Variants in LIMA1 observed in about 807,000 individuals in gnomAD.
LIMA1 encodes the protein LIM domain and actin binding 1, also known as LIM domain and actin-binding protein 1.
LIMA1 carries 52 observed loss-of-function variants against 62.6 expected under a neutral mutation model. That is an observed-to-expected ratio of 0.83 (90% CI 0.67 to 1.05). The LOEUF is 1.05. Among genes scored for constraint, LIMA1 ranks in the 50% least tolerant of loss-of-function variants. The pLI, the probability that LIMA1 is intolerant of heterozygous loss-of-function variation, is 0.00. For missense variants in LIMA1, 780 were observed against 902.2 expected (o/e 0.86, Z 1.74); for synonymous variants, 302 against 317.8 (o/e 0.95, Z 0.53).
intron 1 of LIMA1, among the ~76,000 whole-genome samples, chr12:50,251,928 C>A (rs577392957): frequency 1.4e-4 from 22 of 152,256 alleles, no homozygotes; most frequent in African/African-American, 5.3e-4. Flanking sequence ...AACAGATAAA[C>A]GTGAGAATCA....
chr12:50,237,246 T>C (rs982211568), intron 2 of LIMA1, among the ~76,000 whole-genome samples: 2 of 152,226 alleles, frequency 1.3e-5, no homozygotes, highest in Non-Finnish European at 2.9e-5. Context: ...ATAATGTATA[T>C]GTATAATGAA....
chr12:50,179,392 G>A lies in LIMA1; in HGVS notation c.1275-1323C>T, dbSNP rs181963133. On this transcript the variant is annotated intron_variant, in intron 10 of 10. Coordinates refer to ENST00000341247, the MANE Select transcript of LIMA1 (RefSeq NM_016357.5). ...CTTGACCTCGTGATCTGCCCGCCTCGGCCTCCCAAAGGGCTGGGATTACAG... is the reference window on the plus strand; with the variant it reads ...CTTGACCTCGTGATCTGCCCGCCTCAGCCTCCCAAAGGGCTGGGATTACAG... Among the ~76,000 whole-genome samples, 56 of 150,498 alleles carry A rather than the reference G, an allele frequency of 3.7e-4. 1 individual carries two copies. The East Asian group carries it at 9.7e-3, about 26-fold the overall frequency.
At chr12:50,255,353 G>A (rs1415039000) in intron 1 of LIMA1, among the ~76,000 whole-genome samples, 1 of 151,496 alleles carries the variant, frequency 6.6e-6, no homozygotes, top group Non-Finnish European at 1.5e-5. Flanking sequence ...TCAGGAGTTT[G>A]AGACCAGCCT....
intron 2 of LIMA1, among the ~76,000 whole-genome samples, chr12:50,234,600 C>T (rs1370967759): frequency 3.3e-5 from 5 of 152,116 alleles, no homozygotes; most frequent in African/African-American, 1.2e-4. Flanking sequence ...ATGTGCCTCT[C>T]CTTGGGCCTG....
At chr12:50,191,790 C>T (rs1390421915) in intron 9 of LIMA1, among the ~76,000 whole-genome samples, 2 of 152,080 alleles carry the variant, frequency 1.3e-5, no homozygotes, top group African/African-American at 4.8e-5. Context: ...CCACTGCACT[C>T]CAGCCTGGGC....
At chr12:50,201,114 G>C in intron 6 of LIMA1, 1 of 1,290,306 alleles carries the variant, frequency 7.8e-7, no homozygotes, top group Non-Finnish European at 9.9e-7. Flanking sequence ...TGTAAAACTG[G>C]ATTGCTCATT....
chr12:50,178,519 C>T (rs951130042), intron 10 of LIMA1, among the ~76,000 whole-genome samples: 3 of 144,624 alleles, frequency 2.1e-5, no homozygotes, highest in Admixed American at 7.1e-5. Context: ...TGTGATAGAG[C>T]GAGACTGTCT....
chr12:50,182,166 C>G, intron 9 of LIMA1, 129 bp from the exon 10 acceptor site: 2 of 952,960 alleles, frequency 2.1e-6, no homozygotes, highest in Non-Finnish European at 3.1e-6. Context: ...GAGCACTAAA[C>G]CTGCTACAAT....
At position 50,177,002 on chromosome 12, in the gene LIMA1, G is replaced by T; in HGVS notation, c.*62C>A. 7.5e-7 allele frequency: 1 copy of T among 1,325,104 alleles called. No homozygotes were observed. The highest frequency in any genetic ancestry group is 1.8e-5 in the South Asian group (1 of 55,126). The allele number at this position is 1,325,104 out of a possible 1,614,324, so 82.1% of individuals were successfully genotyped here. ...TACCTGCTTATGTGCATCACATTTT[G>T]ACAAAGGGCAGTGGCTCGCTAACAC... On this transcript the variant is annotated 3_prime_UTR_variant, in exon 11 of 11. Transcript: ENST00000341247.
At chr12:50,200,723 C>G (rs1228155024) in intron 7 of LIMA1, 54 bp downstream of exon 7, 2 of 1,561,656 alleles carry the variant, frequency 1.3e-6, no homozygotes, top group Non-Finnish European at 1.8e-6. Context: ...TTTCAAGCAT[C>G]TAATTTAGAA....
At chr12:50,270,766 A>G (rs1042540319) in intron 1 of LIMA1, among the ~76,000 whole-genome samples, 1 of 152,270 alleles carries the variant, frequency 6.6e-6, no homozygotes, top group South Asian at 2.1e-4. Context: ...TAATCTTCAC[A>G]TATCTTATTT....
chr12:50,271,005 T>G (rs1942203655), intron 1 of LIMA1, among the ~76,000 whole-genome samples: 1 of 152,136 alleles, frequency 6.6e-6, no homozygotes, highest in Non-Finnish European at 1.5e-5. Context: ...GGCAGGAGAA[T>G]GGCATGAACC....
chr12:50,279,300 C>T (rs1393974727), intron 1 of LIMA1, among the ~76,000 whole-genome samples: 8 of 150,094 alleles, frequency 5.3e-5, no homozygotes, highest in South Asian at 4.2e-4. Flanking sequence ...CCATCACACC[C>T]GGCCTGTTTT....
chr12:50,201,207 T>C (rs1248083234), intron 6 of LIMA1: 22 of 1,065,652 alleles, frequency 2.1e-5, no homozygotes, highest in Non-Finnish European at 2.3e-5. Context: ...GCAGCAGAGC[T>C]TGTGGTAATG....
intron 1 of LIMA1, among the ~76,000 whole-genome samples, chr12:50,269,510 GTAA>G (rs1231952102): frequency 1.3e-5 from 2 of 152,136 alleles, no homozygotes; most frequent in Non-Finnish European, 2.9e-5. Context: ...TATCTCTAAT[GTAA>G]TAATATCTGA....
At position 50,176,974 on chromosome 12, in the gene LIMA1, G is replaced by A; in HGVS notation, c.*90C>T. The A allele has an allele frequency of 2.1e-6, 2 of 951,680 alleles. No homozygotes were observed. The highest frequency in any genetic ancestry group is 2.9e-6 in the Non-Finnish European group (2 of 681,534). The allele number at this position is 951,680 out of a possible 1,614,324, so 59.0% of individuals were successfully genotyped here. On this transcript the variant is annotated 3_prime_UTR_variant, in exon 11 of 11. Coordinates refer to ENST00000341247, the MANE Select transcript of LIMA1 (RefSeq NM_016357.5). ...TCCAAGTAAATTACATTTCATGCTG[G>A]GATACCTGCTTATGTGCATCACATT...
intron 9 of LIMA1, among the ~76,000 whole-genome samples, chr12:50,183,642 C>T (rs1280944465): frequency 6.6e-6 from 1 of 151,910 alleles, no homozygotes; most frequent in Admixed American, 6.6e-5. Flanking sequence ...GAAACCCCAT[C>T]TCTACTAAAA....
intron 4 of LIMA1, among the ~76,000 whole-genome samples, chr12:50,207,818 G>A (rs567980838): frequency 5.2e-4 from 79 of 151,424 alleles, no homozygotes; most frequent in South Asian, 6.3e-4. Flanking sequence ...TGAACCAGGG[G>A]GGCAGAGGTT....
chr12:50,246,247 A>G (rs868025807), intron 2 of LIMA1, among the ~76,000 whole-genome samples: 24 of 151,614 alleles, frequency 1.6e-4, no homozygotes, highest in African/African-American at 4.4e-4. Flanking sequence ...AAAAAAAAAA[A>G]AAAGAAAGAG....
Sources: gnomAD v4.1 joint callset for allele counts (sites outside exome capture counted in the v4.1 genomes callset) on GRCh38, gnomAD v4.1.1 for gene constraint, MANE v1.5 for transcripts, NCBI Gene and HGNC (gene_info 2026-07-23, HGNC 2026-07-21) for gene names.